The following RBMS3 variants were observed in gnomAD, a reference collection of about 807,000 sequenced individuals.
RBMS3 encodes the protein RNA-binding motif, single-stranded-interacting protein 3.
RBMS3 carries 27 observed loss-of-function variants against 66.8 expected under a neutral mutation model. The ratio of observed to expected loss-of-function variants is 0.40; its 90% CI spans 0.30 to 0.56. The LOEUF (loss-of-function observed/expected upper bound fraction) is 0.56, where lower values mean the gene tolerates loss of function less well. Ranked by LOEUF, RBMS3 falls within the 20% of genes least tolerant of loss-of-function variation. RBMS3 has a pLI of 0.40. For synonymous variants in RBMS3, 188 were observed against 183.0 expected, an observed-to-expected ratio of 1.03 and a Z score of -0.22; for missense variants, 513 against 549.5, an observed-to-expected ratio of 0.93 and a Z score of 0.66.
At chr3:29,778,356 C>G (rs2056497602) in intron 6 of RBMS3, among the ~76,000 whole-genome samples, 1 of 151,648 alleles carries the variant, frequency 6.6e-6, no homozygotes, top group South Asian at 2.1e-4. Flanking sequence ...CTTCTTCACA[C>G]CAATATCTAC....
intron 1 of RBMS3, among the ~76,000 whole-genome samples, chr3:29,359,495 G>T (rs1233554312): frequency 3.3e-5 from 5 of 152,190 alleles, no homozygotes; most frequent in African/African-American, 1.2e-4. Flanking sequence ...AGGGGTATTG[G>T]TCTAAAATTC....
chr3:29,717,008 C>T (rs2053427368), intron 4 of RBMS3, among the ~76,000 whole-genome samples: 1 of 151,780 alleles, frequency 6.6e-6, no homozygotes, highest in Non-Finnish European at 1.5e-5. Context: ...TTGGGAGTAG[C>T]ACAAGCTACA....
chr3:29,408,649 A>G (rs2040132452), intron 1 of RBMS3, among the ~76,000 whole-genome samples: 1 of 152,060 alleles, frequency 6.6e-6, no homozygotes, highest in Admixed American at 6.6e-5. Context: ...TTATATATAT[A>G]TTTTCTTTCT....
intron 3 of RBMS3, among the ~76,000 whole-genome samples, chr3:29,513,937 G>T (rs945735152): frequency 6.6e-6 from 1 of 152,080 alleles, no homozygotes; most frequent in Non-Finnish European, 1.5e-5. Context: ...ACACAATCAT[G>T]CCCTGGGGAA....
intron 1 of RBMS3, among the ~76,000 whole-genome samples, chr3:29,425,202 C>G (rs200975979): frequency 1.3e-4 from 11 of 85,260 alleles, no homozygotes; most frequent in Admixed American, 4.5e-4. Flanking sequence ...AAAAAAAAAA[C>G]CCCCCAAAAA....
intron 2 of RBMS3, among the ~76,000 whole-genome samples, chr3:29,488,208 G>A (rs1481847641): frequency 6.6e-6 from 1 of 152,188 alleles, no homozygotes; most frequent in Non-Finnish European, 1.5e-5. Context: ...GCCTGTGACA[G>A]CCTGACAAGT....
chr3:29,877,035 A>G (rs961564162), intron 7 of RBMS3, among the ~76,000 whole-genome samples: 3 of 152,208 alleles, frequency 2.0e-5, no homozygotes, highest in Non-Finnish European at 4.4e-5. Context: ...ATAGGAGAAG[A>G]TATTATACCA....
intron 2 of RBMS3, among the ~76,000 whole-genome samples, chr3:29,485,939 G>A (rs572801779): frequency 3.3e-4 from 50 of 152,218 alleles, no homozygotes; most frequent in Admixed American, 9.2e-4. Context: ...AAGTAAATGA[G>A]GTTATATACC....
chr3:29,323,996 G>GAAAAAA (rs34678893), intron 1 of RBMS3, among the ~76,000 whole-genome samples: 1 of 145,506 alleles, frequency 6.9e-6, no homozygotes, highest in Non-Finnish European at 1.5e-5. Flanking sequence ...TGCCCACTCT[G>GAAAAAA]AAAAAAAAAA....
chr3:29,569,376 A>G (rs2046860066), intron 3 of RBMS3, among the ~76,000 whole-genome samples: 1 of 152,138 alleles, frequency 6.6e-6, no homozygotes, highest in Admixed American at 6.6e-5. Context: ...ATCAGCAAGC[A>G]TACTAATTTA....
intron 14 of RBMS3, 175 bp downstream of exon 14, chr3:29,991,384 GTTC>G: frequency 1.0e-6 from 1 of 992,624 alleles, no homozygotes; most frequent in African/African-American, 1.6e-5. Context: ...TGGGTGGATG[GTTC>G]TTCTGATCTT....
rs2054189484 is a variant in RBMS3, at chr3:29,732,756, T to TTGC, written c.400-6960_400-6958dup. 3.3e-5 allele frequency among the ~76,000 whole-genome samples: 5 copies of TTGC among 152,276 alleles called. No individual in the cohort carries two copies. In the South Asian group the frequency reaches 1.0e-3, roughly 32 times the overall value. On this transcript the variant is annotated intron_variant, in intron 4 of 14. Coordinates refer to ENST00000383767, the MANE Select transcript of RBMS3 (RefSeq NM_001003793.3). ...GTTTTTATTATTATTAATTTTTAAA[T>TTGC]TGCTGCAGCATATAAAATAGACTGT...
At chr3:29,735,947 A>G (rs2054360501) in intron 4 of RBMS3, among the ~76,000 whole-genome samples, 1 of 152,160 alleles carries the variant, frequency 6.6e-6, no homozygotes, top group Non-Finnish European at 1.5e-5. Context: ...AATTTAAGTT[A>G]AAAAATTATA....
intron 1 of RBMS3, among the ~76,000 whole-genome samples, chr3:29,386,439 A>G (rs892556088): frequency 1.3e-5 from 2 of 150,502 alleles, no homozygotes; most frequent in Admixed American, 1.3e-4. Context: ...ACACCTCCCA[A>G]CCCTTCCATA....
intron 1 of RBMS3, among the ~76,000 whole-genome samples, chr3:29,408,152 G>GCCC (rs1227016410): frequency 1.3e-5 from 2 of 150,446 alleles, no homozygotes; most frequent in Non-Finnish European, 3.0e-5. Context: ...GGTGCCTGTA[G>GCCC]CCCCAGCTAC....
chr3:29,791,472 A>G (rs573633596), intron 6 of RBMS3, among the ~76,000 whole-genome samples: 67 of 152,104 alleles, frequency 4.4e-4, no homozygotes, highest in Non-Finnish European at 4.0e-4. Flanking sequence ...GCTGATATTC[A>G]TTATTCAAAT....
intron 2 of RBMS3, among the ~76,000 whole-genome samples, chr3:29,439,033 A>G (rs2041508694): frequency 6.6e-6 from 1 of 152,192 alleles, no homozygotes; most frequent in Non-Finnish European, 1.5e-5. Context: ...ATCTAGAAAA[A>G]AGTGGAAGAG....
chr3:29,437,862 A>G (rs1157936372), intron 2 of RBMS3, among the ~76,000 whole-genome samples: 1 of 152,190 alleles, frequency 6.6e-6, no homozygotes, highest in Non-Finnish European at 1.5e-5. Context: ...CTCATTATTT[A>G]TCTGCCAGAC....
In RBMS3 at chr3:29,648,263, A is replaced by ATTTTTTTTTTTTT. The variant is rs749839563; in HGVS notation, c.399+61068_399+61080dup. Among the ~76,000 whole-genome samples, 39 of 77,634 alleles carry ATTTTTTTTTTTTT rather than the reference A, an allele frequency of 5.0e-4. 1 individual carries two copies. The highest frequency in any genetic ancestry group is 3.3e-3 in the East Asian group (8 of 2,440). The allele number at this position is 77,634 out of a possible 152,430, so 50.9% of individuals were successfully genotyped here. On this transcript the variant is annotated intron_variant, in intron 4 of 14. Transcript: ENST00000383767. ...AACATAGGGAAAATAGAAAATGTCT[A>ATTTTTTTTTTTTT]TTTTTTTTTTTTTTTTTTTTTTGCG... is the stretch of plus-strand genomic sequence containing the variant.
Sources: allele counts gnomAD v4.1 joint callset (sites outside exome capture counted in the v4.1 genomes callset), GRCh38; gene constraint gnomAD v4.1.1; transcripts MANE v1.5; gene names NCBI Gene and HGNC (gene_info 2026-07-23, HGNC 2026-07-21).